MAP3K20: variants seen among roughly 807,000 people sequenced by gnomAD.
MAP3K20 encodes mitogen-activated protein kinase kinase kinase 20.
Under a neutral mutation model 85.7 loss-of-function variants are expected in MAP3K20, and 40 were observed. The ratio of observed to expected loss-of-function variants is 0.47; its 90% CI spans 0.36 to 0.61. MAP3K20 has a LOEUF of 0.61. MAP3K20 is among the 20% of genes least tolerant of loss of function. The probability of loss-of-function intolerance (pLI) is 0.00; values close to 1 mark genes in which losing one functional copy is unlikely to be tolerated. For synonymous variants in MAP3K20, 325 were observed against 327.7 expected (o/e 0.99, Z 0.09); for missense variants, 817 against 961.7 (o/e 0.85, Z 1.99).
At chr2:173,172,773 A>G (rs1690036481) in intron 3 of MAP3K20, among the ~76,000 whole-genome samples, 1 of 151,996 alleles carries the variant, frequency 6.6e-6, no homozygotes, top group Non-Finnish European at 1.5e-5. Context: ...GAAAGAAAAG[A>G]TACAATAATG....
intron 7 of MAP3K20, among the ~76,000 whole-genome samples, chr2:173,191,689 A>G (rs1165910776): frequency 3.9e-5 from 6 of 152,254 alleles, no homozygotes; most frequent in Admixed American, 3.9e-4. Flanking sequence ...CACTTACCAG[A>G]TGACCTTGTC....
At chr2:173,234,180 C>T (rs1684592549) in intron 14 of MAP3K20, among the ~76,000 whole-genome samples, 1 of 152,122 alleles carries the variant, frequency 6.6e-6, no homozygotes, top group South Asian at 2.1e-4. Flanking sequence ...TTGAAAAGGC[C>T]CAGTATTCCT....
At chr2:173,118,003 T>C (rs558937245) in intron 2 of MAP3K20, among the ~76,000 whole-genome samples, 26 of 152,220 alleles carry the variant, frequency 1.7e-4, no homozygotes, top group East Asian at 1.9e-4. Flanking sequence ...GCAGGAGACT[T>C]ACCCCCAAGG....
chr2:173,206,537 T>C (rs1189688380), intron 9 of MAP3K20, among the ~76,000 whole-genome samples: 1 of 152,220 alleles, frequency 6.6e-6, no homozygotes, highest in Non-Finnish European at 1.5e-5. Context: ...CATACTTTCA[T>C]TCCCAAACAA....
chr2:173,260,651 AG>A (rs928686963), intron 17 of MAP3K20, among the ~76,000 whole-genome samples: 12 of 152,208 alleles, frequency 7.9e-5, no homozygotes, highest in African/African-American at 2.9e-4. Context: ...CGATTGTTGA[AG>A]CCACTAAACC....
chr2:173,174,011 T>C (rs1017122143), intron 3 of MAP3K20, among the ~76,000 whole-genome samples: 2 of 152,088 alleles, frequency 1.3e-5, no homozygotes, highest in Non-Finnish European at 2.9e-5. Context: ...AGCATGTAAC[T>C]ATATGTGTAT....
Position 173,077,080 on chromosome 2 carries a change from C to G in MAP3K20, c.-35+1078C>G, listed in dbSNP as rs1358663491. Among the ~76,000 whole-genome samples, 3 of 152,024 alleles carry G rather than the reference C, an allele frequency of 2.0e-5. No individual in the cohort carries two copies. The East Asian group carries it at 5.8e-4, about 29-fold the overall frequency. ...AGCAACACAATTTAGGGGCCCATTC[C>G]AAGTATGGTACAGTAAGCAGCTCTC... On this transcript the variant is annotated intron_variant, in intron 1 of 19. Coordinates refer to ENST00000375213, the MANE Select transcript of MAP3K20 (RefSeq NM_016653.3).
chr2:173,084,364 A>G (rs1010101234), intron 1 of MAP3K20, among the ~76,000 whole-genome samples: 9 of 151,752 alleles, frequency 5.9e-5, no homozygotes, highest in African/African-American at 2.2e-4. Flanking sequence ...CCAGCACCCT[A>G]CCAAAGTGAG....
intron 11 of MAP3K20, among the ~76,000 whole-genome samples, chr2:173,220,640 G>A (rs1342716922): frequency 6.6e-6 from 1 of 152,154 alleles, no homozygotes; most frequent in East Asian, 1.9e-4. Context: ...GATAAAAAGG[G>A]AGTTAATAAC....
intron 2 of MAP3K20, among the ~76,000 whole-genome samples, chr2:173,166,252 T>A (rs1267533792): frequency 6.6e-6 from 1 of 152,252 alleles, no homozygotes; most frequent in Non-Finnish European, 1.5e-5. Flanking sequence ...CATGATGCAG[T>A]GCATATCCAA....
At chr2:173,260,721 T>C (rs530454269) in intron 17 of MAP3K20, among the ~76,000 whole-genome samples, 3 of 152,362 alleles carry the variant, frequency 2.0e-5, no homozygotes, top group South Asian at 4.1e-4. Flanking sequence ...TATGGATTTC[T>C]CTTAATTGTT....
intron 1 of MAP3K20, among the ~76,000 whole-genome samples, chr2:173,078,172 G>C (rs988160932): frequency 6.6e-6 from 1 of 152,046 alleles, no homozygotes; most frequent in Non-Finnish European, 1.5e-5. Flanking sequence ...AGAGAGGAGA[G>C]AATCAGTGGT....
At chr2:173,183,403 T>A (rs572272736) in intron 4 of MAP3K20, among the ~76,000 whole-genome samples, 2 of 152,206 alleles carry the variant, frequency 1.3e-5, no homozygotes, top group African/African-American at 2.4e-5. Context: ...GCAAAAAAAA[T>A]TTTTATTTGT....
intron 8 of MAP3K20, 124 bp from the exon 9 acceptor site, chr2:173,203,672 G>C: frequency 1.4e-6 from 1 of 720,598 alleles, no homozygotes. Context: ...ATCAATGGAA[G>C]CTTTAAATTT....
At chr2:173,161,683 A>C (rs1193313620) in intron 2 of MAP3K20, among the ~76,000 whole-genome samples, 1 of 152,172 alleles carries the variant, frequency 6.6e-6, no homozygotes, top group Admixed American at 6.5e-5. Flanking sequence ...TTATGTAATA[A>C]AATGCTGAAC....
chr2:173,257,697 G>C (rs1243220958), intron 16 of MAP3K20, among the ~76,000 whole-genome samples: 2 of 152,022 alleles, frequency 1.3e-5, no homozygotes, highest in East Asian at 3.8e-4. Context: ...TCATAGAATA[G>C]GCATATATTT....
chr2:173,234,203 C>T lies in MAP3K20; in HGVS notation c.1203+1744C>T, dbSNP rs78307774. On this transcript the variant is annotated intron_variant, in intron 14 of 19. Transcript: ENST00000375213. Reference sequence around the variant, plus strand: ...GCCCAGTATTCCTTAAGGATCAGTTCGGAGGAAGGGTGGTGAGCTGGGATA... The same window carrying T: ...GCCCAGTATTCCTTAAGGATCAGTTTGGAGGAAGGGTGGTGAGCTGGGATA... Among the ~76,000 whole-genome samples, 371 of 152,278 alleles carry T rather than the reference C, an allele frequency of 2.4e-3. 3 individuals carry two copies. Among genetic ancestry groups the T allele is most frequent in the African/African-American group, 8.1e-3 (337 of 41,558 alleles).
At chr2:173,250,522 T>C (rs1220294710) in intron 16 of MAP3K20, among the ~76,000 whole-genome samples, 1 of 152,238 alleles carries the variant, frequency 6.6e-6, no homozygotes, top group African/African-American at 2.4e-5. Context: ...ATACTGGCAG[T>C]GTCATGGAAG....
Position 173,266,449 on chromosome 2 carries a change from A to C in MAP3K20, c.2102A>C (p.Gln701Pro). The change falls in exon 20 of 20, where the codon CAG (glutamine) becomes CCG (proline). Residue 701 changes from glutamine (Q) to proline (P), a missense_variant. Physicochemically the swap from Gln to Pro is moderately conservative, Grantham distance 76. Coordinates refer to ENST00000375213, the MANE Select transcript of MAP3K20 (RefSeq NM_016653.3). ...SPRGRYSGKS[Q>P]HSTPSRGRYP... ...AGAGGAAGATACAGTGGAAAGAGTC[A>C]GCATTCCACTCCTTCAAGAGGAAGA... The C allele has an allele frequency of 6.2e-7, 1 of 1,614,164 alleles. No individual in the cohort carries two copies. Among genetic ancestry groups the C allele is most frequent in the Non-Finnish European group, 8.5e-7 (1 of 1,180,016 alleles).
Sources: gnomAD v4.1 joint callset for allele counts (sites outside exome capture counted in the v4.1 genomes callset) on GRCh38, gnomAD v4.1.1 for gene constraint, MANE v1.5 for transcripts, NCBI Gene and HGNC (gene_info 2026-07-23, HGNC 2026-07-21) for gene names.